The following UBP1 variants were observed in gnomAD, a reference collection of about 807,000 sequenced individuals.
UBP1 encodes the protein upstream binding protein 1, also known as upstream-binding protein 1.
In UBP1, 22 loss-of-function variants were observed where a neutral mutation model predicts 76.1. That is an observed-to-expected ratio of 0.29 (90% CI 0.21 to 0.41). The LOEUF is 0.41. Among genes scored for constraint, UBP1 ranks in the 10% least tolerant of loss-of-function variants. The pLI, the probability that UBP1 is intolerant of heterozygous loss-of-function variation, is 1.00. For missense variants in UBP1, 436 were observed against 668.1 expected (o/e 0.65, Z 3.83); for synonymous variants, 224 against 237.1 (o/e 0.94, Z 0.51).
At position 33,390,387 on chromosome 3, in the gene UBP1, CAG is replaced by C; in HGVS notation, c.1586-21_1586-20del. 7.7e-6 allele frequency: 12 copies of C among 1,568,028 alleles called. No individual in the cohort carries two copies. The highest frequency in any genetic ancestry group is 1.0e-5 in the Non-Finnish European group (12 of 1,159,500). ...CTTTCAGCTGCAGAAAAAGGAAAGA[CAG>C]TATTTCTTCAGTCAGGCTTAGGAAA... On this transcript the variant is annotated intron_variant, in intron 15 of 15. Transcript: ENST00000283629.
At chr3:33,393,998 C>T (rs1038503532) in intron 13 of UBP1, among the ~76,000 whole-genome samples, 5 of 151,720 alleles carry the variant, frequency 3.3e-5, no homozygotes, top group African/African-American at 7.3e-5. Flanking sequence ...ACAAAAAGAA[C>T]CCTAAAAGAG....
intron 2 of UBP1, among the ~76,000 whole-genome samples, chr3:33,418,411 C>T (rs1398905740): frequency 1.3e-5 from 2 of 151,992 alleles, no homozygotes; most frequent in African/African-American, 2.4e-5. Context: ...CCCGCCACCA[C>T]GCCCAGCTAA....
chr3:33,394,644 TATC>T (rs1185204649), intron 13 of UBP1, among the ~76,000 whole-genome samples: 1 of 152,164 alleles, frequency 6.6e-6, no homozygotes, highest in Admixed American at 6.5e-5. Context: ...GGATCAGGAA[TATC>T]ATTACTGAGA....
chr3:33,392,533 C>G, intron 15 of UBP1, 30 bp downstream of exon 15: 1 of 1,583,606 alleles, frequency 6.3e-7, no homozygotes, highest in African/African-American at 1.4e-5. Context: ...ATGATTCCAG[C>G]ATTTTAAGAC....
In UBP1 at chr3:33,389,937, A is replaced by G. The variant is rs748235756; in HGVS notation, c.*394T>C. 1.0e-4 allele frequency: 18 copies of G among 177,498 alleles called. No individual in the cohort carries two copies. The highest frequency in any genetic ancestry group is 1.8e-4 in the Non-Finnish European group (15 of 83,300). The allele number at this position is 177,498 out of a possible 1,614,324, so 11.0% of individuals were successfully genotyped here. On this transcript the variant is annotated 3_prime_UTR_variant, in exon 16 of 16. Transcript: ENST00000283629. ...TCCAGGTCAGCATAAGGTTCAGGCAATAAAAGCCAAACTGGCACAGAAAGG... is the reference window on the plus strand; with the variant it reads ...TCCAGGTCAGCATAAGGTTCAGGCAGTAAAAGCCAAACTGGCACAGAAAGG...
intron 3 of UBP1, among the ~76,000 whole-genome samples, chr3:33,414,435 T>C (rs1026061806): frequency 6.6e-6 from 1 of 151,222 alleles, no homozygotes; most frequent in Non-Finnish European, 1.5e-5. Flanking sequence ...AAGAAAAAAA[T>C]AGGACAAAAA....
chr3:33,407,356 C>G (rs1488478810), intron 8 of UBP1, among the ~76,000 whole-genome samples: 1 of 152,106 alleles, frequency 6.6e-6, no homozygotes, highest in Non-Finnish European at 1.5e-5. Context: ...GAACCTACTT[C>G]TTTATTAGTT....
At chr3:33,395,416 TA>T (rs2043936201) in intron 13 of UBP1, among the ~76,000 whole-genome samples, 1 of 151,850 alleles carries the variant, frequency 6.6e-6, no homozygotes, top group Admixed American at 6.6e-5. Flanking sequence ...ATCCATACAA[TA>T]AATGAGAAAA....
chr3:33,422,526 G>A (rs1488501894), intron 2 of UBP1, among the ~76,000 whole-genome samples: 1 of 152,070 alleles, frequency 6.6e-6, no homozygotes, highest in Non-Finnish European at 1.5e-5. Flanking sequence ...AGATTAGCGT[G>A]GGCAATGAAT....
chr3:33,429,643 T>A (rs1047497967), intron 1 of UBP1, among the ~76,000 whole-genome samples: 2 of 152,186 alleles, frequency 1.3e-5, no homozygotes, highest in Non-Finnish European at 1.5e-5. Context: ...TGATGCATTT[T>A]AGAAGGCAAA....
chr3:33,396,726 T>G (rs181932171), intron 12 of UBP1: 1 of 542,474 alleles, frequency 1.8e-6, no homozygotes, highest in Non-Finnish European at 3.5e-6. Context: ...TTGAAAACCA[T>G]AGATTCTGTA....
At chr3:33,390,815 C>A (rs4678951) in intron 15 of UBP1, 79,470 of 157,036 alleles carry the variant, frequency 0.51, 20,791 homozygotes, top group Admixed American at 0.61. Context: ...CATTTTAAAA[C>A]TGTATCATTC....
intron 13 of UBP1, among the ~76,000 whole-genome samples, chr3:33,394,640 G>C (rs1034231879): frequency 6.6e-6 from 1 of 152,044 alleles, no homozygotes; most frequent in African/African-American, 2.4e-5. Flanking sequence ...ACATGGATCA[G>C]GAATATCATT....
At chr3:33,396,035 G>T in intron 13 of UBP1, 127 bp downstream of exon 13, 2 of 764,296 alleles carry the variant, frequency 2.6e-6, no homozygotes. Flanking sequence ...TGCTGTCAAG[G>T]CTCCCACATG....
chr3:33,429,327 C>T (rs191777560), intron 1 of UBP1, among the ~76,000 whole-genome samples: 17 of 151,816 alleles, frequency 1.1e-4, no homozygotes, highest in South Asian at 4.2e-4. Flanking sequence ...GAATGTTAAA[C>T]GGAACTAAAA....
At chr3:33,399,471 C>T (rs555275973) in intron 11 of UBP1, among the ~76,000 whole-genome samples, 1 of 152,242 alleles carries the variant, frequency 6.6e-6, no homozygotes, top group South Asian at 2.1e-4. Flanking sequence ...TGAAACACTA[C>T]TTAGCAGTAA....
At chr3:33,393,164 T>A (rs2043836652) in intron 14 of UBP1, 148 bp downstream of exon 14, 2 of 906,466 alleles carry the variant, frequency 2.2e-6, no homozygotes, top group African/African-American at 3.5e-5. Context: ...CTCTTGGTTA[T>A]AAGTTCTTCC....
rs566511982 is a variant in UBP1 at position 33,388,784 on chromosome 3, C to T, written c.*1547G>A. The T allele has an allele frequency of 2.6e-5, 4 of 152,266 alleles. No homozygotes were observed. The highest frequency in any genetic ancestry group is 2.1e-4 in the South Asian group (1 of 4,826). 9.4% of individuals were successfully genotyped at this position (152,266 alleles called of 1,614,324 possible). ...TTTCAAATCGATGATGAAAATAGAT[C>T]GTGCTTCTTTGTAGCAAATAATTAA... is the stretch of plus-strand genomic sequence containing the variant. On this transcript the variant is annotated 3_prime_UTR_variant, in exon 16 of 16. Transcript: ENST00000283629.
At position 33,439,761 on chromosome 3, in the gene UBP1, G is replaced by C; in HGVS notation, c.88C>G (p.Leu30Val). 6.2e-7 allele frequency: 1 copy of C among 1,612,768 alleles called. No individual in the cohort carries two copies. The highest frequency in any genetic ancestry group is 8.5e-7 in the Non-Finnish European group (1 of 1,179,608). Residue 30 changes from leucine (L) to valine (V), a missense_variant, in exon 1 of 16, where the codon CTG (leucine) becomes GTG (valine). Transcript: ENST00000283629. ...DASLSGIGQE[L>V]GAGAYSMSDV... is the part of the protein sequence containing the mutation. Reference sequence around the variant, plus strand: ...CTCATGCTGTAAGCGCCGGCGCCCAGTTCCTGCCCGATGCCCGAGAGGCTG... The same window carrying C: ...CTCATGCTGTAAGCGCCGGCGCCCACTTCCTGCCCGATGCCCGAGAGGCTG...
Sources: allele counts gnomAD v4.1 joint callset (sites outside exome capture counted in the v4.1 genomes callset), GRCh38; gene constraint gnomAD v4.1.1; transcripts MANE v1.5; gene names NCBI Gene and HGNC (gene_info 2026-07-23, HGNC 2026-07-21).